The following C12orf56 variants were observed in gnomAD, a reference collection of about 807,000 sequenced individuals.
C12orf56 encodes chromosome 12 open reading frame 56, also known as uncharacterized protein C12orf56.
In C12orf56, 71 loss-of-function variants were observed where a neutral mutation model predicts 69.9. The ratio of observed to expected loss-of-function variants is 1.02; its 90% confidence interval spans 0.84 to 1.24. C12orf56 has a LOEUF of 1.24. Ranked by LOEUF, C12orf56 falls within the 50% of genes most tolerant of loss-of-function variation. The pLI is 0.00. For missense variants in C12orf56, 732 were observed against 738.5 expected (o/e 0.99, Z 0.10); for synonymous variants, 276 against 274.1 (o/e 1.01, Z -0.07).
chr12:64,274,764 CTG>C, intron 11 of C12orf56, 135 bp downstream of exon 11: 1 of 610,918 alleles, frequency 1.6e-6, no homozygotes, highest in South Asian at 3.7e-5. Context: ...AAATAATAAA[CTG>C]TCAAATTTAC....
chr12:64,352,880 T>C lies in C12orf56; in HGVS notation c.415+14A>G. On this transcript the variant is annotated intron_variant, in intron 2 of 12. Transcript: ENST00000543942. ...TTTTTGCCTTAGATCCAGAGACAGA[T>C]TGGAAGTACCTACCTTTCTTGTTGT... The C allele has an allele frequency of 6.3e-7, 1 of 1,588,896 alleles. No homozygotes were observed. Among genetic ancestry groups the C allele is most frequent in the East Asian group, 2.2e-5 (1 of 44,532 alleles).
chr12:64,381,095 G>A (rs1467949873), intron 1 of C12orf56, among the ~76,000 whole-genome samples: 1 of 152,122 alleles, frequency 6.6e-6, no homozygotes, highest in Non-Finnish European at 1.5e-5. Context: ...TAGTCTCCCT[G>A]AGAATTCGGG....
intron 5 of C12orf56, among the ~76,000 whole-genome samples, chr12:64,310,396 T>G (rs1302907734): frequency 6.6e-6 from 1 of 152,226 alleles, no homozygotes; most frequent in Non-Finnish European, 1.5e-5. Context: ...ATTGTAATTT[T>G]CTAATTCTAT....
chr12:64,307,163 G>A (rs2038524407), intron 5 of C12orf56, among the ~76,000 whole-genome samples: 1 of 151,974 alleles, frequency 6.6e-6, no homozygotes, highest in Non-Finnish European at 1.5e-5. Flanking sequence ...GAAAACTGAT[G>A]CTTTTTTTAG....
chr12:64,388,190 A>G (rs923746119), intron 1 of C12orf56, among the ~76,000 whole-genome samples: 5 of 152,108 alleles, frequency 3.3e-5, no homozygotes, highest in Non-Finnish European at 7.4e-5. Context: ...CACCTGCCTC[A>G]GCCTCCCAAA....
chr12:64,326,894 G>A lies in C12orf56; in HGVS notation c.488+4066C>T, dbSNP rs2038851984. Among the ~76,000 whole-genome samples, 4 of 152,324 alleles carry A rather than the reference G, an allele frequency of 2.6e-5. No homozygotes were observed. In the South Asian group the frequency reaches 8.3e-4, roughly 32 times the overall value. ...ACATTGAAATTTAATCCCCAGTATGGCAGTATTGAGTGGTGAGACCTTTAA... is the reference window on the plus strand; with the variant it reads ...ACATTGAAATTTAATCCCCAGTATGACAGTATTGAGTGGTGAGACCTTTAA... On this transcript the variant is annotated intron_variant, in intron 3 of 12. Transcript: ENST00000543942.
intron 1 of C12orf56, among the ~76,000 whole-genome samples, chr12:64,368,791 TG>T (rs1357359102): frequency 6.6e-6 from 1 of 152,292 alleles, no homozygotes. Flanking sequence ...ATTTCTAGTG[TG>T]GCCTCCACTA....
At chr12:64,285,794 A>C (rs1177645158) in intron 7 of C12orf56, among the ~76,000 whole-genome samples, 160 bp downstream of exon 7, 1 of 152,044 alleles carries the variant, frequency 6.6e-6, no homozygotes, top group Non-Finnish European at 1.5e-5. Flanking sequence ...TCTCAAGAGA[A>C]AATAAATAAA....
chr12:64,298,618 C>A (rs2038401598), intron 6 of C12orf56, among the ~76,000 whole-genome samples: 1 of 152,182 alleles, frequency 6.6e-6, no homozygotes. Context: ...GTTTTCCCAG[C>A]ACCATTTATT....
intron 2 of C12orf56, among the ~76,000 whole-genome samples, chr12:64,352,087 G>GTTTTTTTT (rs1565770096): frequency 2.0e-4 from 21 of 105,580 alleles, no homozygotes; most frequent in African/African-American, 7.1e-4. Context: ...AGGTTTTTTT[G>GTTTTTTTT]TTTTTGTTTT....
In C12orf56 at chr12:64,390,649, G is replaced by T. The variant is rs1428375054; in HGVS notation, c.-84C>A. On this transcript the variant is annotated 5_prime_UTR_variant, in exon 1 of 13. Coordinates refer to ENST00000543942, the MANE Select transcript of C12orf56 (RefSeq NM_001170633.2). ...CCCGCCCCCGCGCTGGAACCCGCGC[G>T]CCACAAAGCCGCCGGCCACGCGTCG... 4 of 1,372,006 alleles carry T rather than the reference G, an allele frequency of 2.9e-6. No homozygotes were observed. The East Asian group carries it at 8.9e-5, about 31-fold the overall frequency. The allele number at this position is 1,372,006 out of a possible 1,614,324, so 85.0% of individuals were successfully genotyped here. A position where few individuals can be genotyped will look rare whatever the true frequency, so the allele number is the denominator to read the frequency against.
At chr12:64,271,540 A>G (rs117778619) in intron 11 of C12orf56, among the ~76,000 whole-genome samples, 162 of 152,302 alleles carry the variant, frequency 1.1e-3, no homozygotes, top group Non-Finnish European at 1.7e-3. Context: ...AACTCTAACC[A>G]ACAGGTCACA....
chr12:64,382,000 G>A (rs1198656398), intron 1 of C12orf56, among the ~76,000 whole-genome samples: 5 of 151,942 alleles, frequency 3.3e-5, no homozygotes, highest in Non-Finnish European at 7.4e-5. Context: ...GGTGGCTCAC[G>A]CCTGTAATCC....
chr12:64,352,882 G>A lies in C12orf56; in HGVS notation c.415+12C>T. 1 of 1,587,430 alleles carries A rather than the reference G, an allele frequency of 6.3e-7. No individual in the cohort carries two copies. Among genetic ancestry groups the A allele is most frequent in the Non-Finnish European group, 8.5e-7 (1 of 1,171,216 alleles). On this transcript the variant is annotated intron_variant, in intron 2 of 12. Transcript: ENST00000543942. ...TTTGCCTTAGATCCAGAGACAGATT[G>A]GAAGTACCTACCTTTCTTGTTGTTA... is the stretch of plus-strand genomic sequence containing the variant.
chr12:64,331,971 A>G (rs1221203769), intron 2 of C12orf56, among the ~76,000 whole-genome samples: 1 of 151,872 alleles, frequency 6.6e-6, no homozygotes, highest in Non-Finnish European at 1.5e-5. Flanking sequence ...AGAAGGAAAA[A>G]AAGACTTTGC....
chr12:64,364,998 C>CAGCATGAAGATGGGGAAAGGAAAAT (rs1453518418), intron 1 of C12orf56, among the ~76,000 whole-genome samples: 2 of 152,142 alleles, frequency 1.3e-5, no homozygotes, highest in Non-Finnish European at 2.9e-5. Context: ...AGATCCTCTC[C>CAGCATGAAGATGGGGAAAGGAAAAT]AGCATGAAGA....
intron 2 of C12orf56, chr12:64,338,158 C>A: frequency 1.8e-6 from 1 of 564,314 alleles, no homozygotes; most frequent in South Asian, 1.4e-5. Flanking sequence ...GGACGAGCTC[C>A]ACCTCCCGAA....
At chr12:64,338,502 G>T in intron 2 of C12orf56, 1 of 1,041,402 alleles carries the variant, frequency 9.6e-7, no homozygotes, top group Non-Finnish European at 1.5e-6. Flanking sequence ...CAGGGCTCCA[G>T]CAACTGGTAC....
At position 64,331,030 on chromosome 12, in the gene C12orf56, T is replaced by C; in HGVS notation, c.418A>G (p.Lys140Glu). The C allele has an allele frequency of 6.6e-7, 1 of 1,513,074 alleles. No homozygotes were observed. The highest frequency in any genetic ancestry group is 1.2e-5 in the South Asian group (1 of 81,440). The allele number at this position is 1,513,074 out of a possible 1,614,324, so 93.7% of individuals were successfully genotyped here. A position where few individuals can be genotyped will look rare whatever the true frequency, so the allele number is the denominator to read the frequency against. Residue 140 changes from lysine to glutamate, a missense_variant and splice_region_variant, in exon 3 of 13, where the codon AAG becomes GAG. Coordinates refer to ENST00000543942, the MANE Select transcript of C12orf56 (RefSeq NM_001170633.2). ...AAGGCAAGGCCGTTCTTTTCTTCCT[T>C]GACTTAAAAAAAAAATAGTTATTTG... ...HHTKANNKKVKEEKNGLAFWR... is the reference protein window; with the variant it reads ...HHTKANNKKVEEEKNGLAFWR...
Sources: allele counts gnomAD v4.1 joint callset (sites outside exome capture counted in the v4.1 genomes callset), GRCh38; gene constraint gnomAD v4.1.1; transcripts MANE v1.5; gene names NCBI Gene and HGNC (gene_info 2026-07-23, HGNC 2026-07-21).